The following ADAM29 variants were observed in gnomAD, a reference collection of about 807,000 sequenced individuals.
ADAM29 encodes ADAM metallopeptidase domain 29, also known as disintegrin and metalloproteinase domain-containing protein 29.
For synonymous variants in ADAM29, 367 were observed against 342.3 expected, an observed-to-expected ratio of 1.07 and a Z score of -0.80; for missense variants, 969 against 1,001.8, an observed-to-expected ratio of 0.97 and a Z score of 0.44.
At chr4:174,931,439 T>G (rs1743869436) in intron 3 of ADAM29, 1 of 152,242 alleles carries the variant, frequency 6.6e-6, no homozygotes, top group South Asian at 2.1e-4. Flanking sequence ...AATTTCTTTT[T>G]GATTCAAAAT....
intron 4 of ADAM29, among the ~76,000 whole-genome samples, chr4:174,972,339 C>T (rs1203187880): frequency 6.6e-6 from 1 of 152,184 alleles, no homozygotes; most frequent in Admixed American, 6.5e-5. Flanking sequence ...CCTCCACCAA[C>T]CAGCAAAGCC....
intron 3 of ADAM29, among the ~76,000 whole-genome samples, chr4:174,932,934 A>G (rs557216988): frequency 1.3e-5 from 2 of 152,114 alleles, no homozygotes; most frequent in South Asian, 2.1e-4. Flanking sequence ...AATCTCCCCA[A>G]ATCTCCTAGG....
chr4:174,924,436 A>G (rs1743368875), intron 2 of ADAM29, among the ~76,000 whole-genome samples: 1 of 152,240 alleles, frequency 6.6e-6, no homozygotes, highest in South Asian at 2.1e-4. Flanking sequence ...TCTTACCTCA[A>G]CATCCAGAAA....
chr4:174,932,157 C>CCGTA (rs1743918029), intron 3 of ADAM29, among the ~76,000 whole-genome samples: 1 of 151,944 alleles, frequency 6.6e-6, no homozygotes, highest in Non-Finnish European at 1.5e-5. Flanking sequence ...TGTGGTGGCA[C>CCGTA]ATACCCGTAA....
intron 4 of ADAM29, among the ~76,000 whole-genome samples, chr4:174,947,913 G>A (rs1744944511): frequency 6.6e-6 from 1 of 152,170 alleles, no homozygotes; most frequent in African/African-American, 2.4e-5. Context: ...CTAATTTGGA[G>A]AACTAGTCTT....
At chr4:174,934,525 T>C (rs1384319764) in intron 3 of ADAM29, among the ~76,000 whole-genome samples, 2 of 152,192 alleles carry the variant, frequency 1.3e-5, no homozygotes, top group Non-Finnish European at 2.9e-5. Flanking sequence ...ATTGCAATCA[T>C]AATCTTAACT....
rs138173724 is a variant in ADAM29 at position 174,962,187 on chromosome 4, C to G, written c.-180-13159C>G. Among the ~76,000 whole-genome samples the G allele has an allele frequency of 4.8e-3, 734 of 152,096 alleles. 3 individuals carry two copies. The highest frequency in any genetic ancestry group is 0.017 in the African/African-American group (703 of 41,478). ...AAGTTTGCATCTGAAATTATCAATTCATGTTTTCTATAGCTATCATGTTAA... is the reference window on the plus strand; with the variant it reads ...AAGTTTGCATCTGAAATTATCAATTGATGTTTTCTATAGCTATCATGTTAA... On this transcript the variant is annotated intron_variant, in intron 4 of 4. Coordinates refer to ENST00000359240, the MANE Select transcript of ADAM29 (RefSeq NM_014269.4).
chr4:174,928,433 G>A (rs963548324), intron 2 of ADAM29, among the ~76,000 whole-genome samples: 1 of 151,356 alleles, frequency 6.6e-6, no homozygotes, highest in African/African-American at 2.4e-5. Flanking sequence ...GTGAAGGGGG[G>A]TTTGTCTTTA....
In ADAM29 at chr4:174,975,449, A is replaced by G; in HGVS notation, c.-77A>G. On this transcript the variant is annotated 5_prime_UTR_variant, in exon 5 of 5. Transcript: ENST00000359240. ...AAGGAGCCACACCACCTGTGACTCC[A>G]GCCCTGACTTCTGCTCTGGACCAGT... 1 of 1,419,932 alleles carries G rather than the reference A, an allele frequency of 7.0e-7. No individual in the cohort carries two copies. 88.0% of individuals were successfully genotyped at this position (1,419,932 alleles called of 1,614,324 possible).
intron 4 of ADAM29, among the ~76,000 whole-genome samples, chr4:174,947,719 G>T (rs1579042131): frequency 1.3e-5 from 2 of 152,152 alleles, no homozygotes; most frequent in African/African-American, 4.8e-5. Flanking sequence ...ACACTGTGTT[G>T]TACTTGGGTA....
At chr4:174,974,974 G>A (rs957776753) in intron 4 of ADAM29, among the ~76,000 whole-genome samples, 2 of 152,096 alleles carry the variant, frequency 1.3e-5, no homozygotes, top group Non-Finnish European at 2.9e-5. Context: ...TTTAACACGT[G>A]TAAATTGAAA....
At chr4:174,955,057 T>C (rs1325347620) in intron 4 of ADAM29, among the ~76,000 whole-genome samples, 2 of 149,934 alleles carry the variant, frequency 1.3e-5, no homozygotes, top group Non-Finnish European at 3.0e-5. Flanking sequence ...ACTAATAAAA[T>C]GTATGTTAGT....
chr4:174,963,905 G>A (rs560299746), intron 4 of ADAM29, among the ~76,000 whole-genome samples: 9 of 152,002 alleles, frequency 5.9e-5, no homozygotes, highest in African/African-American at 1.7e-4. Flanking sequence ...TCCTGACCTC[G>A]TGATCTGCCT....
rs1245305569 is a variant in ADAM29, at chr4:174,969,199, AG to A, written c.-180-6144del. ...TTTTTATTATTATACTTTAAGTTCT[AG>A]GGTACATGTGCACATTGTTGAAGAC... On this transcript the variant is annotated intron_variant, in intron 4 of 4. Coordinates refer to ENST00000359240, the MANE Select transcript of ADAM29 (RefSeq NM_014269.4). 2.0e-5 allele frequency among the ~76,000 whole-genome samples: 3 copies of A among 151,330 alleles called. No individual in the cohort carries two copies. In the East Asian group the frequency reaches 5.8e-4, roughly 29 times the overall value.
intron 2 of ADAM29, among the ~76,000 whole-genome samples, chr4:174,927,555 A>G (rs576370577): frequency 4.3e-4 from 65 of 152,326 alleles, no homozygotes; most frequent in African/African-American, 1.5e-3. Context: ...TTTCTTTGGA[A>G]TGATTGCAAA....
At chr4:174,974,875 GA>G (rs1025157593) in intron 4 of ADAM29, among the ~76,000 whole-genome samples, 1 of 152,072 alleles carries the variant, frequency 6.6e-6, no homozygotes, top group African/African-American at 2.4e-5. Flanking sequence ...AATAACATAA[GA>G]ATGGTTTTTA....
In ADAM29 at chr4:174,976,761, C is replaced by A. The variant is rs749282462; in HGVS notation, c.1236C>A (p.Asp412Glu). ...NGVVEEGEEC[D>E]CGPLKHCAKD... is the part of the protein sequence containing the mutation. Reference sequence around the variant, plus strand: ...TTGTTGAAGAAGGAGAAGAGTGTGACTGTGGACCTTTAAAGCATTGTGCAA... The same window carrying A: ...TTGTTGAAGAAGGAGAAGAGTGTGAATGTGGACCTTTAAAGCATTGTGCAA... Residue 412 changes from aspartate (D) to glutamate (E), a missense_variant, in exon 5 of 5, where the codon GAC (aspartate) becomes GAA (glutamate). Asp to Glu is a conservative substitution (Grantham distance 45, BLOSUM62 2). Coordinates refer to ENST00000359240, the MANE Select transcript of ADAM29 (RefSeq NM_014269.4). The A allele has an allele frequency of 4.3e-6, 7 of 1,613,878 alleles. No individual in the cohort carries two copies. The African/African-American group carries it at 9.3e-5, about 22-fold the overall frequency.
chr4:174,977,346 T>C lies in ADAM29; in HGVS notation c.1821T>C (p.Asp607=). Residue 607 remains aspartate (D), a synonymous_variant, in exon 5 of 5, where the codon GAT becomes GAC. Coordinates refer to ENST00000359240, the MANE Select transcript of ADAM29 (RefSeq NM_014269.4). ...AAGATGGAACAGAGTGTGGGATAGA[T>C]CATATATGCATCCACAGGCACTGTG... The part of the protein sequence containing the change: ...EVKDGTECGI[D]HICIHRHCVH... 9 of 1,613,572 alleles carry C rather than the reference T, an allele frequency of 5.6e-6. No homozygotes were observed. The highest frequency in any genetic ancestry group is 7.6e-6 in the Non-Finnish European group (9 of 1,180,010).
rs1038159967 is a variant in ADAM29, at chr4:174,975,432, ACAC to A, written c.-89_-87del. The A allele has an allele frequency of 1.6e-4, 208 of 1,317,686 alleles. No homozygotes were observed. Among genetic ancestry groups the A allele is most frequent in the Non-Finnish European group, 2.1e-4 (203 of 986,354 alleles). The allele number at this position is 1,317,686 out of a possible 1,614,324, so 81.6% of individuals were successfully genotyped here. ...ACTGACCAACTCAGAAGAAGGAGCC[ACAC>A]CACCTGTGACTCCAGCCCTGACTTC... On this transcript the variant is annotated 5_prime_UTR_variant, in exon 5 of 5. Coordinates refer to ENST00000359240, the MANE Select transcript of ADAM29 (RefSeq NM_014269.4).
Sources: allele counts gnomAD v4.1 joint callset (sites outside exome capture counted in the v4.1 genomes callset), GRCh38; gene constraint gnomAD v4.1.1; transcripts MANE v1.5; gene names NCBI Gene and HGNC (gene_info 2026-07-23, HGNC 2026-07-21).